The following SMC3 variants were observed in gnomAD, a reference collection of about 807,000 sequenced individuals.
SMC3 encodes the protein structural maintenance of chromosomes 3, also known as structural maintenance of chromosomes protein 3.
A neutral mutation model predicts 171.8 loss-of-function variants in SMC3; 20 were observed. The observed-to-expected ratio is 0.12, with a 90% CI of 0.08 to 0.17. The LOEUF is 0.17. Among genes scored for constraint, SMC3 ranks in the 10% least tolerant of loss-of-function variants. The probability of loss-of-function intolerance (pLI) is 1.00; values close to 1 mark genes in which losing one functional copy is unlikely to be tolerated. For missense variants in SMC3, 543 were observed against 1,420.4 expected (o/e 0.38, Z 9.93); for synonymous variants, 464 against 451.1 (o/e 1.03, Z -0.36).
chr10:110,598,758 G>A (rs1423822834), intron 20 of SMC3, among the ~76,000 whole-genome samples: 1 of 151,952 alleles, frequency 6.6e-6, no homozygotes, highest in Non-Finnish European at 1.5e-5. Flanking sequence ...TAAACCCATG[G>A]ATACCCAAAG....
At chr10:110,588,586 T>G (rs1185519410) in intron 13 of SMC3, among the ~76,000 whole-genome samples, 1 of 152,238 alleles carries the variant, frequency 6.6e-6, no homozygotes. Flanking sequence ...CAAGGATTTT[T>G]GTTTGCTTTG....
chr10:110,600,425 TTTC>T lies in SMC3; in HGVS notation c.2428-11_2428-9del. 7.3e-7 allele frequency: 1 copy of T among 1,371,974 alleles called. No individual in the cohort carries two copies. The highest frequency in any genetic ancestry group is 1.0e-6 in the Non-Finnish European group (1 of 959,232). The allele number at this position is 1,371,974 out of a possible 1,614,324, so 85.0% of individuals were successfully genotyped here. A position where few individuals can be genotyped will look rare whatever the true frequency, so the allele number is the denominator to read the frequency against. On this transcript the variant is annotated splice_polypyrimidine_tract_variant and intron_variant, in intron 21 of 28. Transcript: ENST00000361804. Reference sequence around the variant, plus strand: ...ATGTACATGCTTATATAGACAACTTTTTCTTAATTCTAGGAAAACAGACAGTTG... The same window carrying T: ...ATGTACATGCTTATATAGACAACTTTTTAATTCTAGGAAAACAGACAGTTG...
intron 20 of SMC3, among the ~76,000 whole-genome samples, chr10:110,598,655 C>T (rs1861337988): frequency 6.6e-6 from 1 of 152,150 alleles, no homozygotes; most frequent in South Asian, 2.1e-4. Flanking sequence ...ATCCACCTGC[C>T]TTGCCCTCCC....
At chr10:110,571,939 C>G (rs190885709) in intron 2 of SMC3, among the ~76,000 whole-genome samples, 72 of 152,252 alleles carry the variant, frequency 4.7e-4, no homozygotes, top group Non-Finnish European at 4.4e-5. Context: ...GTGTTCCACT[C>G]TAGCAGTAAT....
intron 8 of SMC3, among the ~76,000 whole-genome samples, chr10:110,581,554 C>T (rs960957117): frequency 6.6e-6 from 1 of 152,100 alleles, no homozygotes; most frequent in African/African-American, 2.4e-5. Context: ...TAAACTGAGG[C>T]CCTTACTACA....
In SMC3 at chr10:110,603,382, C is replaced by G. The variant is rs80342665; in HGVS notation, c.3582+92C>G. 3,108 of 820,480 alleles carry G rather than the reference C, an allele frequency of 3.8e-3. 32 individuals carry two copies. Among genetic ancestry groups the G allele is most frequent in the Admixed American group, 0.024 (996 of 41,510 alleles). 50.8% of individuals were successfully genotyped at this position (820,480 alleles called of 1,614,324 possible). A position where few individuals can be genotyped will look rare whatever the true frequency, so the allele number is the denominator to read the frequency against. On this transcript the variant is annotated intron_variant, in intron 28 of 28. Transcript: ENST00000361804. Reference sequence around the variant, plus strand: ...ATGTTACTTAAATAGTGAAAGAAAACTTAGAAAGTCTTTGCTTATCTGATG... The same window carrying G: ...ATGTTACTTAAATAGTGAAAGAAAAGTTAGAAAGTCTTTGCTTATCTGATG...
At chr10:110,575,889 G>A (rs1031969009) in intron 4 of SMC3, among the ~76,000 whole-genome samples, 142 of 152,280 alleles carry the variant, frequency 9.3e-4, no homozygotes, top group African/African-American at 3.2e-3. Flanking sequence ...TGCAGATTAG[G>A]AACTTTAAGA....
At chr10:110,570,844 A>C (rs1860860678) in intron 2 of SMC3, among the ~76,000 whole-genome samples, 1 of 152,234 alleles carries the variant, frequency 6.6e-6, no homozygotes, top group Non-Finnish European at 1.5e-5. Context: ...CCAAGATAAC[A>C]GTACTGATTA....
intron 7 of SMC3, among the ~76,000 whole-genome samples, chr10:110,579,900 T>C (rs1003829541): frequency 6.6e-5 from 10 of 152,360 alleles, no homozygotes; most frequent in Admixed American, 6.5e-4. Flanking sequence ...ATACTTGTTA[T>C]ATATTAAGTT....
At chr10:110,585,911 C>T (rs1006215703) in intron 13 of SMC3, among the ~76,000 whole-genome samples, 2 of 152,154 alleles carry the variant, frequency 1.3e-5, no homozygotes, top group African/African-American at 2.4e-5. Context: ...AATTCTCCTG[C>T]GTCAGCCTCC....
intron 13 of SMC3, among the ~76,000 whole-genome samples, chr10:110,588,568 C>T (rs1861159982): frequency 6.6e-6 from 1 of 152,168 alleles, no homozygotes; most frequent in Admixed American, 6.5e-5. Flanking sequence ...TATTGCTTCC[C>T]AGTAAGGCAA....
At position 110,578,720 on chromosome 10, in the gene SMC3, A is replaced by G. The variant is rs747583671; in HGVS notation, c.429+14A>G. 20 of 1,560,662 alleles carry G rather than the reference A, an allele frequency of 1.3e-5. 1 individual carries two copies. In the East Asian group the frequency reaches 3.4e-4, roughly 26 times the overall value. On this transcript the variant is annotated intron_variant, in intron 7 of 28. Coordinates refer to ENST00000361804, the MANE Select transcript of SMC3 (RefSeq NM_005445.4). ...AAACAAGGAAAGGTAAAACAATTGT[A>G]TGTCCTTTTTAAGTAGAATTTGTTT... is the stretch of plus-strand genomic sequence containing the variant.
chr10:110,578,737 A>C (rs553765819), intron 7 of SMC3, 31 bp downstream of exon 7: 5 of 1,510,016 alleles, frequency 3.3e-6, no homozygotes, highest in Non-Finnish European at 4.6e-6. Context: ...TTTTAAGTAG[A>C]ATTTGTTTTC....
At chr10:110,570,321 C>G (rs977353613) in intron 2 of SMC3, among the ~76,000 whole-genome samples, 1 of 152,148 alleles carries the variant, frequency 6.6e-6, no homozygotes, top group South Asian at 2.1e-4. Flanking sequence ...TTCCAGAAGA[C>G]CTTTAGAGAA....
intron 20 of SMC3, among the ~76,000 whole-genome samples, chr10:110,598,562 A>G (rs557576918): frequency 2.6e-5 from 4 of 152,084 alleles, no homozygotes; most frequent in Admixed American, 2.6e-4. Flanking sequence ...ATACGCCACC[A>G]CATCCGGCTA....
intron 8 of SMC3, among the ~76,000 whole-genome samples, chr10:110,581,478 C>G (rs1177968930): frequency 6.6e-6 from 1 of 152,096 alleles, no homozygotes; most frequent in Non-Finnish European, 1.5e-5. Flanking sequence ...CTTGGCCTCT[C>G]AAAGTGCTGG....
At chr10:110,593,949 C>G (rs1054099742) in intron 18 of SMC3, among the ~76,000 whole-genome samples, 2 of 152,124 alleles carry the variant, frequency 1.3e-5, no homozygotes, top group African/African-American at 4.8e-5. Flanking sequence ...GATCACACCC[C>G]TGCACTCCAG....
At chr10:110,586,143 C>T (rs1487236982) in intron 13 of SMC3, among the ~76,000 whole-genome samples, 1 of 151,958 alleles carries the variant, frequency 6.6e-6, no homozygotes, top group African/African-American at 2.4e-5. Flanking sequence ...TGGTGACTCA[C>T]CTTTAAATGT....
intron 8 of SMC3, 71 bp from the exon 9 acceptor site, chr10:110,581,852 G>T (rs1861034613): frequency 8.3e-7 from 1 of 1,202,450 alleles, no homozygotes; most frequent in Admixed American, 1.7e-5. Context: ...TTAATTCAAG[G>T]TATATTTAAG....
Sources: gnomAD v4.1 joint callset for allele counts (sites outside exome capture counted in the v4.1 genomes callset) on GRCh38, gnomAD v4.1.1 for gene constraint, MANE v1.5 for transcripts, NCBI Gene and HGNC (gene_info 2026-07-23, HGNC 2026-07-21) for gene names.